Variants in PCDH9 observed in about 807,000 individuals in gnomAD.
The protein encoded by PCDH9 is protocadherin-9.
In PCDH9, 24 loss-of-function variants were observed where a neutral mutation model predicts 70.6. The ratio of observed to expected loss-of-function variants is 0.34; its 90% CI spans 0.25 to 0.48. The LOEUF is 0.48. Ranked by LOEUF, PCDH9 falls within the 20% of genes least tolerant of loss-of-function variation. The probability of loss-of-function intolerance (pLI) is 0.99; values close to 1 mark genes in which losing one functional copy is unlikely to be tolerated. For missense variants in PCDH9, 1,281 were observed against 1,503.6 expected (o/e 0.85, Z 2.45); for synonymous variants, 562 against 558.5 (o/e 1.01, Z -0.09).
intron 3 of PCDH9, among the ~76,000 whole-genome samples, chr13:66,653,686 C>T (rs1233904416): frequency 2.0e-5 from 3 of 151,830 alleles, no homozygotes; most frequent in Non-Finnish European, 2.9e-5. Context: ...GAAAGAAAAT[C>T]GCCGGGCACG....
chr13:66,469,677 G>T (rs1958580088), intron 4 of PCDH9, among the ~76,000 whole-genome samples: 1 of 151,930 alleles, frequency 6.6e-6, no homozygotes, highest in Admixed American at 6.6e-5. Context: ...GTCCATCAAG[G>T]TGTGATTACA....
Position 66,424,129 on chromosome 13 carries a change from G to A in PCDH9, c.3341-119101C>T, listed in dbSNP as rs564783083. On this transcript the variant is annotated intron_variant, in intron 4 of 4. Coordinates refer to ENST00000377865, the MANE Select transcript of PCDH9 (RefSeq NM_203487.3). ...GAATACAACTTACAAGGGATGTGAA[G>A]GGCCTCCTCAATGAAAACTACAAAC... 6.6e-5 allele frequency among the ~76,000 whole-genome samples: 10 copies of A among 152,194 alleles called. No individual in the cohort carries two copies. The South Asian group carries it at 2.1e-3, about 32-fold the overall frequency.
chr13:66,343,327 G>A (rs184553592), intron 4 of PCDH9, among the ~76,000 whole-genome samples: 7 of 152,176 alleles, frequency 4.6e-5, no homozygotes, highest in East Asian at 1.9e-4. Flanking sequence ...TGAGAGTCTC[G>A]GAAATACAGA....
At position 66,551,746 on chromosome 13, in the gene PCDH9, T is replaced by C. The variant is rs894160808; in HGVS notation, c.3340+79464A>G. Among the ~76,000 whole-genome samples the C allele has an allele frequency of 8.5e-5, 13 of 152,144 alleles. No individual in the cohort carries two copies. The East Asian group carries it at 2.5e-3, about 29-fold the overall frequency. ...CAGCTATCAGTGTACATTTGTAAAT[T>C]ATATTTTTTTCATCTTCTGCGTTAA... On this transcript the variant is annotated intron_variant, in intron 4 of 4. Transcript: ENST00000377865.
At position 66,436,555 on chromosome 13, in the gene PCDH9, T is replaced by C. The variant is rs1235927125; in HGVS notation, c.3341-131527A>G. 2.6e-5 allele frequency among the ~76,000 whole-genome samples: 4 copies of C among 152,190 alleles called. No individual in the cohort carries two copies. In the East Asian group the frequency reaches 7.7e-4, roughly 29 times the overall value. On this transcript the variant is annotated intron_variant, in intron 4 of 4. Coordinates refer to ENST00000377865, the MANE Select transcript of PCDH9 (RefSeq NM_203487.3). ...TAACCCATTTTCTCAGCTTTGCTTC[T>C]GGATTGTTCAATTCTACCTATTCCT...
chr13:66,581,644 A>T (rs190721936), intron 4 of PCDH9, among the ~76,000 whole-genome samples: 132 of 152,316 alleles, frequency 8.7e-4, no homozygotes, highest in Non-Finnish European at 1.2e-3. Context: ...TCATTTAATT[A>T]CTCTAAGATT....
At chr13:66,398,904 A>G (rs2138288963) in intron 4 of PCDH9, among the ~76,000 whole-genome samples, 1 of 152,282 alleles carries the variant, frequency 6.6e-6, no homozygotes, top group Admixed American at 6.5e-5. Flanking sequence ...TATGCTACCA[A>G]GGGGTAAGGT....
chr13:66,808,165 A>G (rs755999488), intron 3 of PCDH9, among the ~76,000 whole-genome samples: 33 of 152,222 alleles, frequency 2.2e-4, no homozygotes, highest in African/African-American at 4.1e-4. Flanking sequence ...ATCATAGTCC[A>G]TAAGTCCATT....
chr13:66,528,049 C>T (rs1348030093), intron 4 of PCDH9, among the ~76,000 whole-genome samples: 1 of 152,128 alleles, frequency 6.6e-6, no homozygotes, highest in Non-Finnish European at 1.5e-5. Flanking sequence ...AGAAGGGAAA[C>T]AAACTCAATT....
intron 4 of PCDH9, among the ~76,000 whole-genome samples, chr13:66,409,763 C>G (rs1451551045): frequency 1.3e-5 from 2 of 152,182 alleles, no homozygotes; most frequent in Admixed American, 6.5e-5. Flanking sequence ...AGATGGGAAG[C>G]AGGACATGTT....
intron 2 of PCDH9, among the ~76,000 whole-genome samples, chr13:67,100,505 T>C (rs537820807): frequency 1.3e-5 from 2 of 152,294 alleles, no homozygotes; most frequent in East Asian, 1.9e-4. Context: ...AATGCAGAAA[T>C]GTTTCTATCA....
intron 3 of PCDH9, among the ~76,000 whole-genome samples, chr13:66,693,152 G>T (rs559529055): frequency 6.6e-6 from 1 of 152,174 alleles, no homozygotes; most frequent in South Asian, 2.1e-4. Context: ...TTGTCAAAAT[G>T]CATTACTCTT....
At chr13:67,059,890 T>TTA (rs1286650214) in intron 2 of PCDH9, among the ~76,000 whole-genome samples, 1 of 150,922 alleles carries the variant, frequency 6.6e-6, no homozygotes, top group East Asian at 1.9e-4. Flanking sequence ...TTGTTGTTTT[T>TTA]TTTTTTTCTG....
At chr13:67,069,312 C>T (rs1266018624) in intron 2 of PCDH9, among the ~76,000 whole-genome samples, 2 of 151,960 alleles carry the variant, frequency 1.3e-5, no homozygotes, top group Non-Finnish European at 2.9e-5. Context: ...CTCTGAAACC[C>T]CAAATAAACA....
intron 4 of PCDH9, among the ~76,000 whole-genome samples, chr13:66,433,688 C>T (rs1957815430): frequency 6.6e-6 from 1 of 151,574 alleles, no homozygotes; most frequent in Admixed American, 6.6e-5. Flanking sequence ...CCACCCAATG[C>T]ATTGCTATGC....
At chr13:67,025,003 G>T (rs1246980009) in intron 2 of PCDH9, among the ~76,000 whole-genome samples, 1 of 151,976 alleles carries the variant, frequency 6.6e-6, no homozygotes, top group Non-Finnish European at 1.5e-5. Flanking sequence ...GTCATTTGAA[G>T]CTAATTAACA....
intron 4 of PCDH9, among the ~76,000 whole-genome samples, chr13:66,376,960 C>T (rs746137309): frequency 2.0e-5 from 3 of 152,136 alleles, no homozygotes; most frequent in Non-Finnish European, 4.4e-5. Context: ...TTCTGTTATA[C>T]TAAATTATTA....
intron 3 of PCDH9, among the ~76,000 whole-genome samples, chr13:66,711,492 C>T (rs2078793439): frequency 1.3e-5 from 2 of 151,772 alleles, no homozygotes; most frequent in Non-Finnish European, 2.9e-5. Context: ...AGTGTATTTG[C>T]AGTCTTATTA....
intron 4 of PCDH9, among the ~76,000 whole-genome samples, chr13:66,365,145 C>A (rs1053575405): frequency 2.6e-5 from 4 of 152,182 alleles, no homozygotes; most frequent in Non-Finnish European, 4.4e-5. Context: ...CCCCCTCTTA[C>A]ACTTGTTCAG....
Sources: gnomAD v4.1 joint callset for allele counts (sites outside exome capture counted in the v4.1 genomes callset) on GRCh38, gnomAD v4.1.1 for gene constraint, MANE v1.5 for transcripts, NCBI Gene and HGNC (gene_info 2026-07-23, HGNC 2026-07-21) for gene names.